Variants in IMPACT observed in about 807,000 individuals in gnomAD.
The protein encoded by IMPACT is protein IMPACT.
A neutral mutation model predicts 47.5 loss-of-function variants in IMPACT; 35 were observed. The ratio of observed to expected loss-of-function variants is 0.74; its 90% CI spans 0.56 to 0.98. The LOEUF (loss-of-function observed/expected upper bound fraction) is 0.98, where lower values mean the gene tolerates loss of function less well. Ranked by LOEUF, IMPACT falls within the 50% of genes least tolerant of loss-of-function variation. IMPACT has a pLI of 0.00. For missense variants in IMPACT, 373 were observed against 394.8 expected (o/e 0.94, Z 0.47); for synonymous variants, 118 against 125.6 (o/e 0.94, Z 0.40).
Position 24,450,828 on chromosome 18 carries a change from A to G in IMPACT, c.944A>G (p.Lys315Arg). Residue 315 changes from lysine (K) to arginine (R), a missense_variant, in exon 11 of 11, where the codon AAG becomes AGG. Lys to Arg is a conservative substitution (Grantham distance 26). Transcript: ENST00000284202. ...LGKNKKVRKDKKRNEH is the reference protein window; with the variant it reads ...LGKNKKVRKDRKRNEH ...AAGAACAAAAAAGTAAGAAAAGACA[A>G]GAAGAGGAATGAACATTAATACCTG... is the stretch of plus-strand genomic sequence containing the variant. 6.2e-7 allele frequency: 1 copy of G among 1,606,494 alleles called. No individual in the cohort carries two copies. Among genetic ancestry groups the G allele is most frequent in the Non-Finnish European group, 8.5e-7 (1 of 1,173,570 alleles).
rs1422786700 is a variant in IMPACT at position 24,426,727 on chromosome 18, C to G, written c.-30C>G. 2 of 1,244,728 alleles carry G rather than the reference C, an allele frequency of 1.6e-6. No individual in the cohort carries two copies. The highest frequency in any genetic ancestry group is 2.0e-6 in the Non-Finnish European group (2 of 994,008). 77.1% of individuals were successfully genotyped at this position (1,244,728 alleles called of 1,614,324 possible). A position where few individuals can be genotyped will look rare whatever the true frequency, so the allele number is the denominator to read the frequency against. The stretch of plus-strand genomic sequence containing the variant: ...GCCCCCGCGCTCCGGACCTGGCAGG[C>G]GGCGGCTGCAGGGCAGGTCCAGGGG... On this transcript the variant is annotated 5_prime_UTR_variant, in exon 1 of 11. Transcript: ENST00000284202.
rs1244019784 is a variant in IMPACT, at chr18:24,427,828, T to C, written c.37-91T>C. ...TCTAGGAATTTTTGATCTACTCTGG[T>C]AATGTTGAATTTGAATACCTTATAA... On this transcript the variant is annotated intron_variant, in intron 1 of 10. Coordinates refer to ENST00000284202, the MANE Select transcript of IMPACT (RefSeq NM_018439.4). 5 of 1,261,006 alleles carry C rather than the reference T, an allele frequency of 4.0e-6. No individual in the cohort carries two copies. The African/African-American group carries it at 6.2e-5, about 16-fold the overall frequency. The allele number at this position is 1,261,006 out of a possible 1,614,324, so 78.1% of individuals were successfully genotyped here.
intron 7 of IMPACT, among the ~76,000 whole-genome samples, chr18:24,445,137 T>C (rs1909216102): frequency 6.6e-6 from 1 of 152,238 alleles, no homozygotes. Context: ...AACTTTCCCT[T>C]TGACATAGTA....
chr18:24,437,143 A>G (rs1424359592), intron 4 of IMPACT, among the ~76,000 whole-genome samples: 2 of 152,126 alleles, frequency 1.3e-5, no homozygotes, highest in Non-Finnish European at 2.9e-5. Context: ...TTTCAAGGGA[A>G]ACTTTTAGAG....
chr18:24,428,027 A>G lies in IMPACT; in HGVS notation c.145A>G (p.Lys49Glu). The change falls in exon 2 of 11, where the codon AAA becomes GAA. Residue 49 changes from lysine (K) to glutamate (E), a missense_variant. Coordinates refer to ENST00000284202, the MANE Select transcript of IMPACT (RefSeq NM_018439.4). ...IRISDDIDDP[K>E]WTLCLQVMLP... ...AATTAGCGACGATATAGATGACCCC[A>G]AATGGACACTTTGCTTGCAGGTACT... 6.3e-7 allele frequency: 1 copy of G among 1,580,730 alleles called. No homozygotes were observed. Among genetic ancestry groups the G allele is most frequent in the Non-Finnish European group, 8.6e-7 (1 of 1,169,320 alleles).
chr18:24,448,714 C>G (rs1354609822), intron 9 of IMPACT, among the ~76,000 whole-genome samples: 1 of 151,914 alleles, frequency 6.6e-6, no homozygotes, highest in Admixed American at 6.6e-5. Flanking sequence ...ATATCCTGTT[C>G]TGTTTTATGG....
chr18:24,444,567 T>A (rs905783183), intron 7 of IMPACT, among the ~76,000 whole-genome samples: 3 of 152,234 alleles, frequency 2.0e-5, no homozygotes, highest in Non-Finnish European at 4.4e-5. Flanking sequence ...CTAAACTTAT[T>A]ACACAGATCC....
At chr18:24,441,165 C>G (rs1568088369) in intron 6 of IMPACT, among the ~76,000 whole-genome samples, 1 of 152,300 alleles carries the variant, frequency 6.6e-6, no homozygotes, top group East Asian at 1.9e-4. Context: ...AAGCATGCAC[C>G]ATTGTGCCCA....
chr18:24,430,775 T>C (rs1211865212), intron 4 of IMPACT, among the ~76,000 whole-genome samples: 3 of 152,154 alleles, frequency 2.0e-5, no homozygotes, highest in African/African-American at 7.2e-5. Context: ...TAAAAGGATC[T>C]TAATGAAAAA....
intron 5 of IMPACT, 57 bp downstream of exon 5, chr18:24,438,097 G>T: frequency 2.6e-6 from 2 of 766,134 alleles, no homozygotes; most frequent in South Asian, 3.3e-5. Flanking sequence ...ACATTTTTAT[G>T]TAGATACTCT....
At chr18:24,445,220 C>T (rs766119991) in intron 7 of IMPACT, among the ~76,000 whole-genome samples, 173 bp from the exon 8 acceptor site, 10 of 152,116 alleles carry the variant, frequency 6.6e-5, no homozygotes, top group African/African-American at 7.2e-5. Flanking sequence ...TTATGAGTAC[C>T]AGTCTCTGCC....
chr18:24,434,802 T>G (rs1908868144), intron 4 of IMPACT, among the ~76,000 whole-genome samples: 5 of 145,890 alleles, frequency 3.4e-5, no homozygotes, highest in East Asian at 2.0e-4. Context: ...TATATGTGTG[T>G]GTGTGTGTAT....
intron 6 of IMPACT, among the ~76,000 whole-genome samples, chr18:24,441,888 A>G (rs1909123795): frequency 6.6e-6 from 1 of 152,226 alleles, no homozygotes; most frequent in South Asian, 2.1e-4. Flanking sequence ...ATGAAAAGAA[A>G]AAGGATAAAA....
At position 24,427,844 on chromosome 18, in the gene IMPACT, T is replaced by C. The variant is rs1908652392; in HGVS notation, c.37-75T>C. 13 of 1,390,756 alleles carry C rather than the reference T, an allele frequency of 9.3e-6. No individual in the cohort carries two copies. In the East Asian group the frequency reaches 3.2e-4, roughly 34 times the overall value. The allele number at this position is 1,390,756 out of a possible 1,614,324, so 86.2% of individuals were successfully genotyped here. On this transcript the variant is annotated intron_variant, in intron 1 of 10. Transcript: ENST00000284202. ...CTACTCTGGTAATGTTGAATTTGAA[T>C]ACCTTATAAAGTAGTAAGAATAGGA...
chr18:24,438,064 T>A, intron 5 of IMPACT, 24 bp downstream of exon 5: 1 of 1,050,796 alleles, frequency 9.5e-7, no homozygotes, highest in Non-Finnish European at 1.4e-6. Context: ...ATACTATCAA[T>A]ACTCTTTTAA....
chr18:24,429,001 TA>T, intron 3 of IMPACT, 80 bp downstream of exon 3: 4 of 900,578 alleles, frequency 4.4e-6, no homozygotes, highest in Non-Finnish European at 6.8e-6. Flanking sequence ...TGCGTTTACA[TA>T]AAATACCTTT....
intron 3 of IMPACT, 43 bp from the exon 4 acceptor site, chr18:24,430,279 A>G (rs1461999581): frequency 2.9e-6 from 4 of 1,389,844 alleles, no homozygotes; most frequent in Non-Finnish European, 4.0e-6. Context: ...AGGTATAAAC[A>G]TAATCCTTGA....
At chr18:24,447,651 T>A (rs906046349) in intron 8 of IMPACT, among the ~76,000 whole-genome samples, 2 of 152,202 alleles carry the variant, frequency 1.3e-5, no homozygotes, top group Admixed American at 1.3e-4. Context: ...CTTTTTTTTA[T>A]ATGCTTTTTG....
intron 4 of IMPACT, among the ~76,000 whole-genome samples, chr18:24,431,019 G>A (rs1367746390): frequency 6.6e-6 from 1 of 152,152 alleles, no homozygotes; most frequent in Non-Finnish European, 1.5e-5. Context: ...TACATGGCAG[G>A]CACTGTACTA....
Sources: allele counts gnomAD v4.1 joint callset (sites outside exome capture counted in the v4.1 genomes callset), GRCh38; gene constraint gnomAD v4.1.1; transcripts MANE v1.5; gene names NCBI Gene and HGNC (gene_info 2026-07-23, HGNC 2026-07-21).